KCNAB1: variants seen among roughly 807,000 people sequenced by gnomAD.
KCNAB1 encodes potassium voltage-gated channel subfamily A regulatory beta subunit 1.
KCNAB1 carries 35 observed loss-of-function variants against 64.6 expected under a neutral mutation model. The observed-to-expected ratio is 0.54, with a 90% CI of 0.41 to 0.72. The LOEUF is 0.72. Among genes scored for constraint, KCNAB1 ranks in the 30% least tolerant of loss-of-function variants. The probability of loss-of-function intolerance (pLI) is 0.00; values close to 1 mark genes in which losing one functional copy is unlikely to be tolerated. For synonymous variants in KCNAB1, 177 were observed against 183.8 expected (o/e 0.96, Z 0.30); for missense variants, 401 against 512.9 (o/e 0.78, Z 2.11).
At chr3:156,186,883 ACT>A (rs1713235505) in intron 1 of KCNAB1, among the ~76,000 whole-genome samples, 2 of 143,980 alleles carry the variant, frequency 1.4e-5, no homozygotes, top group African/African-American at 5.2e-5. Flanking sequence ...ATGGAGTCTC[ACT>A]CTGTTGCCCA....
intron 2 of KCNAB1, among the ~76,000 whole-genome samples, chr3:156,427,544 A>T (rs145754701): frequency 6.6e-6 from 1 of 152,308 alleles, no homozygotes; most frequent in South Asian, 2.1e-4. Flanking sequence ...TGAGTGAATG[A>T]CTGGAGAGAT....
chr3:156,435,591 G>T (rs1381943768), intron 2 of KCNAB1, among the ~76,000 whole-genome samples: 1 of 152,170 alleles, frequency 6.6e-6, no homozygotes, highest in African/African-American at 2.4e-5. Flanking sequence ...CTTCTAAATG[G>T]TGAACCACAT....
intron 1 of KCNAB1, among the ~76,000 whole-genome samples, chr3:156,244,290 C>A (rs1717333271): frequency 1.3e-5 from 2 of 152,184 alleles, no homozygotes; most frequent in Admixed American, 6.5e-5. Flanking sequence ...GTGCATCACT[C>A]CAACCTCCAG....
intron 8 of KCNAB1, among the ~76,000 whole-genome samples, chr3:156,481,106 A>G (rs1299108555): frequency 6.6e-6 from 1 of 152,080 alleles, no homozygotes; most frequent in Non-Finnish European, 1.5e-5. Context: ...GCTGTTTCTC[A>G]TCTACAATCA....
At chr3:156,449,330 C>G (rs1711822650) in intron 2 of KCNAB1, among the ~76,000 whole-genome samples, 3 of 152,222 alleles carry the variant, frequency 2.0e-5, no homozygotes, top group Middle Eastern at 3.4e-3. Flanking sequence ...CTGTGATGTA[C>G]AGAATGCAGC....
intron 1 of KCNAB1, among the ~76,000 whole-genome samples, chr3:156,271,955 T>C (rs1719063307): frequency 6.6e-6 from 1 of 152,240 alleles, no homozygotes; most frequent in African/African-American, 2.4e-5. Context: ...TCTTATAGAC[T>C]TGTAGAAGTA....
chr3:156,316,172 G>A (rs1246753617), intron 1 of KCNAB1, among the ~76,000 whole-genome samples: 1 of 152,150 alleles, frequency 6.6e-6, no homozygotes, highest in Non-Finnish European at 1.5e-5. Flanking sequence ...AGTGGAACAA[G>A]TCTTATTTCC....
At chr3:156,443,685 T>A (rs537511605) in intron 2 of KCNAB1, among the ~76,000 whole-genome samples, 22 of 151,890 alleles carry the variant, frequency 1.4e-4, no homozygotes, top group African/African-American at 5.1e-4. Context: ...TTTTATTAAG[T>A]GCTGACACAG....
In KCNAB1 at chr3:156,120,718, A is replaced by C; in HGVS notation, c.107A>C (p.Lys36Thr). Residue 36 changes from lysine to threonine, a missense_variant, in exon 1 of 14, where the codon AAG (lysine) becomes ACG (threonine). Physicochemically the swap from Lys to Thr is moderately conservative, Grantham distance 78. Transcript: ENST00000490337. ...GTAGCAGGGAAAGACAAATCTCCCA[A>C]GAAAGCCTCAGAAAACGCTAAAGAC... ...FSVAGKDKSP[K>T]KASENAKDSS... is the part of the protein sequence containing the mutation. The C allele has an allele frequency of 6.2e-7, 1 of 1,614,256 alleles. No individual in the cohort carries two copies. The highest frequency in any genetic ancestry group is 1.1e-5 in the South Asian group (1 of 91,088).
intron 7 of KCNAB1, among the ~76,000 whole-genome samples, chr3:156,473,067 C>G (rs895886569): frequency 3.9e-5 from 6 of 152,226 alleles, no homozygotes; most frequent in African/African-American, 1.4e-4. Flanking sequence ...TAGGCCAGAA[C>G]TGTCATTAAA....
chr3:156,398,429 A>G (rs917858438), intron 1 of KCNAB1, among the ~76,000 whole-genome samples: 1 of 152,130 alleles, frequency 6.6e-6, no homozygotes, highest in Non-Finnish European at 1.5e-5. Context: ...GGTCTCTACT[A>G]AAAATTCAAA....
rs570245339 is a variant in KCNAB1 at position 156,343,889 on chromosome 3, A to G, written c.276-77727A>G. Among the ~76,000 whole-genome samples, 7 of 152,318 alleles carry G rather than the reference A, an allele frequency of 4.6e-5. No individual in the cohort carries two copies. In the South Asian group the frequency reaches 1.0e-3, roughly 23 times the overall value. The stretch of plus-strand genomic sequence containing the variant: ...TATTGCTGTTCCTTACTAGAATGTG[A>G]AGATCCAATTTGACACATTTGGCTC... On this transcript the variant is annotated intron_variant, in intron 1 of 13. Coordinates refer to ENST00000490337, the MANE Select transcript of KCNAB1 (RefSeq NM_172160.3).
In KCNAB1 at chr3:156,459,948, A is replaced by T. The variant is rs113943052; in HGVS notation, c.482+77A>T. ...AGAGAAGGAAAAATAAAATTATATG[A>T]CACCTGACCAAAAGGCTGTCAAAAA... On this transcript the variant is annotated intron_variant, in intron 5 of 13. Transcript: ENST00000490337. The T allele has an allele frequency of 9.2e-4, 906 of 989,996 alleles. 7 individuals are homozygous for T. In the African/African-American group the frequency reaches 0.013, roughly 14 times the overall value. The allele number at this position is 989,996 out of a possible 1,614,324, so 61.3% of individuals were successfully genotyped here.
At chr3:156,125,788 G>A (rs1030292929) in intron 1 of KCNAB1, among the ~76,000 whole-genome samples, 1 of 152,202 alleles carries the variant, frequency 6.6e-6, no homozygotes, top group Non-Finnish European at 1.5e-5. Flanking sequence ...TTCCAGGTGA[G>A]TTTGGTAGAC....
chr3:156,291,676 C>T (rs1433343271), intron 1 of KCNAB1: 1 of 1,402,392 alleles, frequency 7.1e-7, no homozygotes, highest in East Asian at 2.7e-5. Flanking sequence ...ACTTCGGGGC[C>T]GTCTGTTTAC....
At chr3:156,451,630 TG>T (rs1712012524) in intron 2 of KCNAB1, among the ~76,000 whole-genome samples, 2 of 152,272 alleles carry the variant, frequency 1.3e-5, no homozygotes, top group South Asian at 4.1e-4. Context: ...ATGCAAAATA[TG>T]CATTTTCGAC....
chr3:156,286,663 A>G (rs926998518), intron 1 of KCNAB1, among the ~76,000 whole-genome samples: 3 of 152,262 alleles, frequency 2.0e-5, no homozygotes, highest in Non-Finnish European at 2.9e-5. Flanking sequence ...ACTCAAAAGC[A>G]TAGGTGATTT....
intron 1 of KCNAB1, among the ~76,000 whole-genome samples, chr3:156,271,686 G>A (rs1441146865): frequency 6.6e-6 from 1 of 152,114 alleles, no homozygotes; most frequent in Non-Finnish European, 1.5e-5. Context: ...TCCAGGATTG[G>A]TCCCTGGTGC....
chr3:156,350,615 G>C (rs1724794557), intron 1 of KCNAB1, among the ~76,000 whole-genome samples: 1 of 151,920 alleles, frequency 6.6e-6, no homozygotes, highest in Admixed American at 6.6e-5. Flanking sequence ...TGTTTTACTT[G>C]ACAAGAGAGG....
Sources: allele counts gnomAD v4.1 joint callset (sites outside exome capture counted in the v4.1 genomes callset), GRCh38; gene constraint gnomAD v4.1.1; transcripts MANE v1.5; gene names NCBI Gene and HGNC (gene_info 2026-07-23, HGNC 2026-07-21).